GRAP: variants seen among roughly 807,000 people sequenced by gnomAD.
GRAP encodes GRB2-related adapter protein.
Under a neutral mutation model 9.1 loss-of-function variants are expected in GRAP, and 2 were observed. The ratio of observed to expected loss-of-function variants is 0.22; its 90% CI spans 0.09 to 0.69. GRAP has a LOEUF of 0.69. GRAP is among the 30% of genes least tolerant of loss of function. The probability of loss-of-function intolerance (pLI) is 0.81; values close to 1 mark genes in which losing one functional copy is unlikely to be tolerated. For synonymous variants in GRAP, 68 were observed against 73.6 expected, an observed-to-expected ratio of 0.92 and a Z score of 0.39; for missense variants, 113 against 179.4, an observed-to-expected ratio of 0.63 and a Z score of 2.12.
At chr17:19,027,482 G>GCACACACACA (rs1201282703) in intron 3 of GRAP, among the ~76,000 whole-genome samples, 1,722 of 115,934 alleles carry the variant, frequency 0.015, 37 homozygotes, top group Non-Finnish European at 0.021. Flanking sequence ...GCGCGCGCGC[G>GCACACACACA]CGCACACACA....
Position 19,021,569 on chromosome 17 carries a change from G to A in GRAP, c.*390C>T. 2.7e-6 allele frequency: 1 copy of A among 364,048 alleles called. No individual in the cohort carries two copies. The highest frequency in any genetic ancestry group is 4.9e-6 in the Non-Finnish European group (1 of 203,882). 22.6% of individuals were successfully genotyped at this position (364,048 alleles called of 1,614,324 possible). ...AGGCCCAGTGGGTGGTCAGCCCAAG[G>A]TGAACCCACCCACCATGGCCAGGGT... On this transcript the variant is annotated 3_prime_UTR_variant, in exon 5 of 5. Transcript: ENST00000284154. The surrounding 1 kb of genome is among the most constrained non-coding windows in gnomAD (Gnocchi z 4.1).
At position 19,031,390 on chromosome 17, in the gene GRAP, A is replaced by C. The variant is rs1374366127; in HGVS notation, c.299+4568T>G. The C allele has an allele frequency of 1.2e-4, 10 of 84,698 alleles. No homozygotes were observed. The East Asian group carries it at 3.2e-3, about 27-fold the overall frequency. 5.2% of individuals were successfully genotyped at this position (84,698 alleles called of 1,614,324 possible). A position where few individuals can be genotyped will look rare whatever the true frequency, so the allele number is the denominator to read the frequency against. On this transcript the variant is annotated intron_variant, in intron 3 of 4. Coordinates refer to ENST00000284154, the MANE Select transcript of GRAP (RefSeq NM_006613.4). ...AAGGGTGGAAGAGCTCTTACACACA[A>C]ATCTGCCAGGCTGTCATTTTCCGAG...
chr17:19,025,162 G>A (rs1249924221), intron 3 of GRAP, among the ~76,000 whole-genome samples: 7 of 151,392 alleles, frequency 4.6e-5, no homozygotes, highest in Non-Finnish European at 1.0e-4. Context: ...CAGCGGAGGA[G>A]AGAGCCTGCT....
chr17:19,023,946 C>T (rs2152170357), intron 4 of GRAP, among the ~76,000 whole-genome samples: 1 of 152,254 alleles, frequency 6.6e-6, no homozygotes, highest in Non-Finnish European at 1.5e-5. Flanking sequence ...ATTCTAGGAG[C>T]TGAGAACAAG....
chr17:19,023,187 G>A (rs1385320788), intron 4 of GRAP, among the ~76,000 whole-genome samples: 4 of 152,152 alleles, frequency 2.6e-5, no homozygotes, highest in Admixed American at 2.6e-4. Context: ...GGCAGGGAAG[G>A]CCAACAGAGG....
chr17:19,024,203 A>T lies in GRAP; in HGVS notation c.468+12T>A. ...GAGAGGCTCCCACAGGCCAGCCCCC[A>T]CCCGCCCCTACCTTGAGCAAGGGCT... On this transcript the variant is annotated intron_variant, in intron 4 of 4. Coordinates refer to ENST00000284154, the MANE Select transcript of GRAP (RefSeq NM_006613.4). The surrounding 1 kb of genome is among the most constrained non-coding windows in gnomAD (Gnocchi z 4.2). The T allele has an allele frequency of 6.4e-7, 1 of 1,568,162 alleles. No individual in the cohort carries two copies. Among genetic ancestry groups the T allele is most frequent in the South Asian group, 1.2e-5 (1 of 85,468 alleles).
chr17:19,041,401 G>A (rs1189728326), intron 2 of GRAP, among the ~76,000 whole-genome samples: 3 of 152,116 alleles, frequency 2.0e-5, no homozygotes, highest in African/African-American at 7.2e-5. Context: ...CCCAGGGCCG[G>A]GCCAGCTCTC....
Position 19,024,235 on chromosome 17 carries a change from C to G in GRAP, c.448G>C (p.Asp150His). Reference sequence around the variant, plus strand: ...CCTACCTTGAGCAAGGGCTCCTCGTCGCGCAGGAAGATCTGCCGCTTCTTG... The same window carrying G: ...CCTACCTTGAGCAAGGGCTCCTCGTGGCGCAGGAAGATCTGCCGCTTCTTG... ...IAKKRQIFLR[D>H]EEPLLKSPGA... The change falls in exon 4 of 5, where the codon GAC becomes CAC. Residue 150 changes from aspartate (D) to histidine (H), a missense_variant. By Grantham distance (81) the Asp-to-His change is moderately conservative. Coordinates refer to ENST00000284154, the MANE Select transcript of GRAP (RefSeq NM_006613.4). The surrounding 1 kb of genome is among the most constrained non-coding windows in gnomAD (Gnocchi z 4.2). The G allele has an allele frequency of 6.3e-7, 1 of 1,594,644 alleles. No homozygotes were observed. The highest frequency in any genetic ancestry group is 1.3e-5 in the African/African-American group (1 of 74,546).
chr17:19,022,041 G>A lies in GRAP; in HGVS notation c.572C>T (p.Pro191Leu). ...RGDIIEVLER[P>L]DPHWWRGRSC... Reference sequence around the variant, plus strand: ...CCGGCCCCGCCACCAGTGGGGGTCTGGGCGCTCCAGGACCTCAATGATGTC... The same window carrying A: ...CCGGCCCCGCCACCAGTGGGGGTCTAGGCGCTCCAGGACCTCAATGATGTC... The change falls in exon 5 of 5, where the codon CCA becomes CTA. Residue 191 changes from proline (P) to leucine (L), a missense_variant. Physicochemically the swap from Pro to Leu is moderately conservative, Grantham distance 98 (BLOSUM62 -3). Coordinates refer to ENST00000284154, the MANE Select transcript of GRAP (RefSeq NM_006613.4). The A allele has an allele frequency of 6.3e-7, 1 of 1,597,848 alleles. No individual in the cohort carries two copies. Among genetic ancestry groups the A allele is most frequent in the African/African-American group, 1.3e-5 (1 of 74,506 alleles).
chr17:19,048,455 C>T (rs1351986896), upstream of GRAP, among the ~76,000 whole-genome samples: 3 of 110,276 alleles, frequency 2.7e-5, 1 homozygote, highest in Non-Finnish European at 4.7e-5. Context: ...TTTCTTCCTT[C>T]ATTTATATTA....
intron 1 of GRAP, among the ~76,000 whole-genome samples, chr17:19,043,900 CAG>C (rs1162519108): frequency 6.6e-6 from 1 of 150,464 alleles, no homozygotes. Context: ...CATCTGCACT[CAG>C]AGGACTCAGG....
chr17:19,022,886 C>G (rs1430325838), intron 4 of GRAP, among the ~76,000 whole-genome samples: 8 of 152,202 alleles, frequency 5.3e-5, no homozygotes, highest in Non-Finnish European at 4.4e-5. Flanking sequence ...ATTAGCAGCT[C>G]TCTGCCCAGG....
At position 19,024,730 on chromosome 17, in the gene GRAP, C is replaced by T. The variant is rs1004305910; in HGVS notation, c.300-347G>A. Among the ~76,000 whole-genome samples the T allele has an allele frequency of 7.9e-5, 12 of 152,176 alleles. No individual in the cohort carries two copies. Among genetic ancestry groups the T allele is most frequent in the African/African-American group, 2.2e-4 (9 of 41,432 alleles). On this transcript the variant is annotated intron_variant, in intron 3 of 4. Coordinates refer to ENST00000284154, the MANE Select transcript of GRAP (RefSeq NM_006613.4). This position sits in a 1 kb window ranked among gnomAD's most constrained non-coding sequence, Gnocchi z 4.2. Reference sequence around the variant, plus strand: ...TGCACAGTGACTGGCATATTGGCAACGTGAAATGGGTACCTCTGAGTGTGT... The same window carrying T: ...TGCACAGTGACTGGCATATTGGCAATGTGAAATGGGTACCTCTGAGTGTGT...
upstream of GRAP, among the ~76,000 whole-genome samples, chr17:19,048,736 CA>C (rs564931893): frequency 0.012 from 520 of 43,302 alleles, 5 homozygotes; most frequent in African/African-American, 0.031. Context: ...GACTCCATCT[CA>C]AAAAAAAAAA....
At chr17:19,048,384 G>A (rs1172987689), upstream of GRAP, among the ~76,000 whole-genome samples, 3 of 105,070 alleles carry the variant, frequency 2.9e-5, no homozygotes, top group Admixed American at 1.0e-4. Flanking sequence ...GCCCTGTGGT[G>A]TTGCATGGAC....
upstream of GRAP, among the ~76,000 whole-genome samples, chr17:19,048,593 G>C (rs1399856039): frequency 2.6e-5 from 2 of 76,082 alleles, no homozygotes; most frequent in Non-Finnish European, 4.1e-5. Context: ...TTATCCTTTT[G>C]ACATGGACCC....
chr17:19,025,179 T>TTTTTC (rs1293661154), intron 3 of GRAP, among the ~76,000 whole-genome samples: 6 of 148,406 alleles, frequency 4.0e-5, no homozygotes, highest in Non-Finnish European at 7.4e-5. Context: ...TGCTCTTTCT[T>TTTTTC]TTTTCTTTTC....
In GRAP at chr17:19,020,805, C is replaced by T. The variant is rs1199429703; in HGVS notation, c.*1154G>A. 1 of 230,294 alleles carries T rather than the reference C, an allele frequency of 4.3e-6. No individual in the cohort carries two copies. The highest frequency in any genetic ancestry group is 5.0e-5 in the Admixed American group (1 of 19,876). The allele number at this position is 230,294 out of a possible 1,614,324, so 14.3% of individuals were successfully genotyped here. ...CCAGCTCTGGATGGAGGAAGAGCCC[C>T]ACATGCCCAGAGCAAGGCCCCCCAT... On this transcript the variant is annotated 3_prime_UTR_variant, in exon 5 of 5. Transcript: ENST00000284154.
intron 4 of GRAP, among the ~76,000 whole-genome samples, chr17:19,023,720 G>A (rs892480277): frequency 2.8e-5 from 4 of 141,956 alleles, no homozygotes; most frequent in Admixed American, 8.1e-5. Flanking sequence ...CAACTCTTCC[G>A]CGAGCAGAAA....
Sources: allele counts gnomAD v4.1 joint callset (sites outside exome capture counted in the v4.1 genomes callset), GRCh38; gene constraint gnomAD v4.1.1; non-coding constraint Gnocchi (gnomAD v3.1); transcripts MANE v1.5; gene names NCBI Gene and HGNC (gene_info 2026-07-23, HGNC 2026-07-21).